CNOT4: variants seen among roughly 807,000 people sequenced by gnomAD.
The protein encoded by CNOT4 is CCR4-associated factor 4.
In CNOT4, 8 loss-of-function variants were observed where a neutral mutation model predicts 73.8. The observed-to-expected ratio is 0.11, with a 90% CI of 0.06 to 0.20. The LOEUF (loss-of-function observed/expected upper bound fraction) is 0.20, where lower values mean the gene tolerates loss of function less well. CNOT4 is among the 10% of genes least tolerant of loss of function. The probability of loss-of-function intolerance (pLI) is 1.00; values close to 1 mark genes in which losing one functional copy is unlikely to be tolerated. For missense variants in CNOT4, 564 were observed against 883.4 expected (o/e 0.64, Z 4.58); for synonymous variants, 293 against 321.1 (o/e 0.91, Z 0.94).
rs1396563782 is a variant in CNOT4 at position 135,437,347 on chromosome 7, G to A, written c.174+811C>T. Among the ~76,000 whole-genome samples, 14 of 152,038 alleles carry A rather than the reference G, an allele frequency of 9.2e-5. No homozygotes were observed. The East Asian group carries it at 2.1e-3, about 23-fold the overall frequency. On this transcript the variant is annotated intron_variant, in intron 2 of 11. Coordinates refer to ENST00000541284, the MANE Select transcript of CNOT4 (RefSeq NM_001190850.2). ...TGGGACTATAGGTGCTCGCCACCACGCCTGCCTAATTTTTTGTATTTTTAG... is the reference window on the plus strand; with the variant it reads ...TGGGACTATAGGTGCTCGCCACCACACCTGCCTAATTTTTTGTATTTTTAG...
intron 10 of CNOT4, chr7:135,387,283 T>C (rs1181648019): frequency 4.1e-6 from 4 of 985,250 alleles, no homozygotes; most frequent in Non-Finnish European, 4.8e-6. Context: ...ATAACTTAAA[T>C]GGCTAGACAA....
intron 7 of CNOT4, among the ~76,000 whole-genome samples, chr7:135,398,712 T>C (rs906419231): frequency 3.3e-5 from 5 of 152,010 alleles, no homozygotes; most frequent in Non-Finnish European, 7.4e-5. Flanking sequence ...TAATAGCTTA[T>C]AGGGGGAAAA....
At chr7:135,397,643 G>C (rs1054249057) in intron 8 of CNOT4, among the ~76,000 whole-genome samples, 11 of 149,632 alleles carry the variant, frequency 7.4e-5, no homozygotes, top group African/African-American at 2.4e-4. Flanking sequence ...AATAAGACAA[G>C]ATGACATAAA....
intron 10 of CNOT4, among the ~76,000 whole-genome samples, chr7:135,370,144 C>T (rs1795116084): frequency 6.6e-6 from 1 of 152,056 alleles, no homozygotes; most frequent in Non-Finnish European, 1.5e-5. Flanking sequence ...CAAGACACAC[C>T]AATACTCCAC....
chr7:135,430,972 A>T (rs1329646480), intron 2 of CNOT4, among the ~76,000 whole-genome samples: 3 of 152,378 alleles, frequency 2.0e-5, no homozygotes, highest in East Asian at 3.9e-4. Flanking sequence ...AAAAGAATTT[A>T]AAAACACAGA....
intron 1 of CNOT4, among the ~76,000 whole-genome samples, chr7:135,441,234 T>C (rs1799461964): frequency 1.3e-5 from 2 of 149,314 alleles, no homozygotes; most frequent in South Asian, 4.2e-4. Context: ...ATCTAAATGC[T>C]GCAAAAAAAA....
intron 1 of CNOT4, among the ~76,000 whole-genome samples, chr7:135,484,406 G>C (rs1009590565): frequency 3.3e-5 from 5 of 151,854 alleles, no homozygotes; most frequent in Admixed American, 2.6e-4. Flanking sequence ...AAAATCCCAA[G>C]AAATCTACCC....
At chr7:135,394,832 A>C (rs1381530010) in intron 9 of CNOT4, among the ~76,000 whole-genome samples, 2 of 152,092 alleles carry the variant, frequency 1.3e-5, no homozygotes, top group Non-Finnish European at 2.9e-5. Context: ...ACTAAGAAAA[A>C]TATAATTTAA....
intron 1 of CNOT4, among the ~76,000 whole-genome samples, chr7:135,448,435 T>C (rs778761108): frequency 6.7e-6 from 1 of 150,352 alleles, no homozygotes; most frequent in Non-Finnish European, 1.5e-5. Context: ...TCCCAGCTAC[T>C]AGGGAGGCTG....
chr7:135,445,194 T>C (rs1019212452), intron 1 of CNOT4, among the ~76,000 whole-genome samples: 32 of 152,200 alleles, frequency 2.1e-4, no homozygotes, highest in Non-Finnish European at 4.7e-4. Flanking sequence ...ACTCACAGTA[T>C]AGCTAAACAT....
intron 1 of CNOT4, among the ~76,000 whole-genome samples, chr7:135,468,454 G>A (rs536610035): frequency 1.3e-5 from 2 of 152,172 alleles, no homozygotes; most frequent in South Asian, 4.2e-4. Flanking sequence ...GCCAAGGCAG[G>A]TGGGTGACCT....
intron 1 of CNOT4, among the ~76,000 whole-genome samples, chr7:135,455,990 A>G (rs1800506075): frequency 6.6e-6 from 1 of 152,178 alleles, no homozygotes; most frequent in African/African-American, 2.4e-5. Flanking sequence ...AGAAAGTAAA[A>G]CCCCCATTTA....
At chr7:135,424,033 C>A (rs1212428229) in intron 2 of CNOT4, among the ~76,000 whole-genome samples, 1 of 141,564 alleles carries the variant, frequency 7.1e-6, no homozygotes. Context: ...AACAAACAAA[C>A]AAACAAAACA....
At chr7:135,385,236 C>T (rs1490086342) in intron 10 of CNOT4, among the ~76,000 whole-genome samples, 1 of 152,218 alleles carries the variant, frequency 6.6e-6, no homozygotes, top group Non-Finnish European at 1.5e-5. Context: ...CAAGACTAAA[C>T]TCTTCTTCTG....
At chr7:135,413,384 T>C in intron 6 of CNOT4, 104 bp downstream of exon 6, 1 of 1,367,488 alleles carries the variant, frequency 7.3e-7, no homozygotes, top group Non-Finnish European at 1.0e-6. Context: ...GTAATATCAG[T>C]TTTTACAAAA....
chr7:135,449,470 T>C (rs542147305), intron 1 of CNOT4, among the ~76,000 whole-genome samples: 57 of 152,262 alleles, frequency 3.7e-4, no homozygotes, highest in Admixed American at 9.2e-4. Flanking sequence ...AAGTACAACA[T>C]ACCCAAATGT....
intron 2 of CNOT4, among the ~76,000 whole-genome samples, chr7:135,434,752 G>A (rs1055326135): frequency 2.0e-5 from 3 of 152,134 alleles, no homozygotes; most frequent in African/African-American, 7.2e-5. Flanking sequence ...TCTCCACTTA[G>A]ATTTCTAATA....
At position 135,394,147 on chromosome 7, in the gene CNOT4, A is replaced by T; in HGVS notation, c.1398T>A (p.Asn466Lys). The T allele has an allele frequency of 6.2e-7, 1 of 1,614,172 alleles. No individual in the cohort carries two copies. Among genetic ancestry groups the T allele is most frequent in the South Asian group, 1.1e-5 (1 of 91,080 alleles). ...TCTGGGGCAAGACTGAAAAGGTACTATTGAGAGAATTGGCATTTGTAGCTG... is the reference window on the plus strand; with the variant it reads ...TCTGGGGCAAGACTGAAAAGGTACTTTTGAGAGAATTGGCATTTGTAGCTG... ...PAAATNANSL[N>K]STFSVLPQRF... The change falls in exon 10 of 12, where the codon AAT (asparagine) becomes AAA (lysine). Residue 466 changes from asparagine (N) to lysine (K), a missense_variant. By Grantham distance (94) the Asn-to-Lys change is moderately conservative (BLOSUM62 0). Transcript: ENST00000541284.
intron 3 of CNOT4, among the ~76,000 whole-genome samples, chr7:135,420,834 TAA>T (rs535666272): frequency 5.4e-5 from 8 of 147,972 alleles, no homozygotes; most frequent in Admixed American, 1.4e-4. Flanking sequence ...ACCACTAGCT[TAA>T]AAAAAAAAGA....
Sources: gnomAD v4.1 joint callset for allele counts (sites outside exome capture counted in the v4.1 genomes callset) on GRCh38, gnomAD v4.1.1 for gene constraint, MANE v1.5 for transcripts, NCBI Gene and HGNC (gene_info 2026-07-23, HGNC 2026-07-21) for gene names.